The following PALM2AKAP2 variants were observed in gnomAD, a reference collection of about 807,000 sequenced individuals.
The protein encoded by PALM2AKAP2 is PALM2-AKAP2 fusion protein.
A neutral mutation model predicts 71.5 loss-of-function variants in PALM2AKAP2; 37 were observed. The ratio of observed to expected loss-of-function variants is 0.52; its 90% CI spans 0.40 to 0.68. The LOEUF (loss-of-function observed/expected upper bound fraction) is 0.68. Ranked by LOEUF, PALM2AKAP2 falls within the 30% of genes least tolerant of loss-of-function variation. The pLI, the probability that PALM2AKAP2 is intolerant of heterozygous loss-of-function variation, is 0.00. For synonymous variants in PALM2AKAP2, 468 were observed against 478.8 expected (o/e 0.98, Z 0.29); for missense variants, 1,224 against 1,191.8 (o/e 1.03, Z -0.40).
At chr9:110,115,803 G>C (rs1835348846) in intron 1 of PALM2AKAP2, among the ~76,000 whole-genome samples, 1 of 152,142 alleles carries the variant, frequency 6.6e-6, no homozygotes, top group Non-Finnish European at 1.5e-5. Flanking sequence ...CCTTCCACCA[G>C]TTTCCCTGCA....
At chr9:109,795,020 G>A (rs1462402759) in intron 1 of PALM2AKAP2, among the ~76,000 whole-genome samples, 1 of 152,240 alleles carries the variant, frequency 6.6e-6, no homozygotes, top group East Asian at 1.9e-4. Context: ...CTGAGCAGCT[G>A]CTTGGAGAAT....
intron 1 of PALM2AKAP2, among the ~76,000 whole-genome samples, chr9:110,135,455 A>G (rs1220824667): frequency 6.6e-6 from 1 of 151,846 alleles, no homozygotes; most frequent in East Asian, 1.9e-4. Flanking sequence ...AAAGCAGTTA[A>G]AAAACTGGAG....
chr9:109,756,206 G>T (rs1426248183), intron 1 of PALM2AKAP2, among the ~76,000 whole-genome samples: 1 of 152,168 alleles, frequency 6.6e-6, no homozygotes, highest in Admixed American at 6.6e-5. Context: ...CTAATGCTGA[G>T]TGTGATTGCT....
intron 1 of PALM2AKAP2, among the ~76,000 whole-genome samples, chr9:109,863,633 A>G (rs753811327): frequency 1.3e-5 from 2 of 152,206 alleles, no homozygotes; most frequent in African/African-American, 4.8e-5. Flanking sequence ...TATCCCGGTG[A>G]GGAGCACAGC....
At chr9:109,927,105 G>A (rs761111574) in intron 5 of PALM2AKAP2, among the ~76,000 whole-genome samples, 2 of 152,164 alleles carry the variant, frequency 1.3e-5, no homozygotes. Context: ...AAGAGTTTCC[G>A]TGGTCTTACC....
intron 1 of PALM2AKAP2, among the ~76,000 whole-genome samples, chr9:109,826,461 G>T (rs2131515761): frequency 6.6e-6 from 1 of 152,288 alleles, no homozygotes; most frequent in Middle Eastern, 3.4e-3. Context: ...CACTAAAGGG[G>T]CAGCTGAAGT....
intron 3 of PALM2AKAP2, among the ~76,000 whole-genome samples, chr9:109,898,028 T>C (rs1373238515): frequency 6.6e-6 from 1 of 152,230 alleles, no homozygotes; most frequent in African/African-American, 2.4e-5. Context: ...CAAGAAGACT[T>C]ACAGTTAAAG....
intron 6 of PALM2AKAP2, among the ~76,000 whole-genome samples, chr9:109,964,869 A>C (rs1831917954): frequency 6.6e-6 from 1 of 152,200 alleles, no homozygotes; most frequent in South Asian, 2.1e-4. Flanking sequence ...GGACCTAATT[A>C]GCTCATCCAG....
intron 1 of PALM2AKAP2, among the ~76,000 whole-genome samples, chr9:110,073,915 T>A (rs1834264467): frequency 6.6e-6 from 1 of 152,210 alleles, no homozygotes; most frequent in South Asian, 2.1e-4. Context: ...GCTTCATGTG[T>A]CTTCCCACAA....
At chr9:109,753,530 T>C (rs953944108) in intron 1 of PALM2AKAP2, among the ~76,000 whole-genome samples, 1 of 152,180 alleles carries the variant, frequency 6.6e-6, no homozygotes, top group Non-Finnish European at 1.5e-5. Context: ...TCTGTGACTT[T>C]CTCAAGATGT....
chr9:109,958,023 C>T (rs147463590), intron 6 of PALM2AKAP2, among the ~76,000 whole-genome samples: 1 of 152,152 alleles, frequency 6.6e-6, no homozygotes, highest in Non-Finnish European at 1.5e-5. Flanking sequence ...TTCAATTCAC[C>T]AAGCCTCAGT....
intron 1 of PALM2AKAP2, among the ~76,000 whole-genome samples, chr9:110,052,348 G>T (rs1189247594): frequency 6.6e-6 from 1 of 152,246 alleles, no homozygotes; most frequent in Non-Finnish European, 1.5e-5. Context: ...CCTCAGGGAA[G>T]AATGTTACCA....
At chr9:109,841,782 G>T (rs1314861894) in intron 1 of PALM2AKAP2, among the ~76,000 whole-genome samples, 5 of 36,000 alleles carry the variant, frequency 1.4e-4, no homozygotes, top group African/African-American at 6.5e-4. Flanking sequence ...AGGAGAGGGT[G>T]GGGGGGTGGA....
intron 6 of PALM2AKAP2, among the ~76,000 whole-genome samples, chr9:110,007,021 G>A (rs543590407): frequency 6.6e-6 from 1 of 152,250 alleles, no homozygotes; most frequent in South Asian, 2.1e-4. Context: ...GTGAGACTTT[G>A]GGGGTTCAGC....
chr9:110,024,896 A>C (rs1833148178), intron 7 of PALM2AKAP2: 2 of 1,124,858 alleles, frequency 1.8e-6, no homozygotes, highest in Admixed American at 3.4e-5. Context: ...CCATGAATTC[A>C]TAGGGAATAG....
At chr9:109,752,447 T>A (rs1828899530) in intron 1 of PALM2AKAP2, among the ~76,000 whole-genome samples, 1 of 152,002 alleles carries the variant, frequency 6.6e-6, no homozygotes, top group African/African-American at 2.4e-5. Flanking sequence ...CTACTTTGGG[T>A]AGGAAGGAGA....
intron 2 of PALM2AKAP2, among the ~76,000 whole-genome samples, chr9:110,150,985 C>A (rs993078211): frequency 6.6e-6 from 1 of 152,114 alleles, no homozygotes; most frequent in Non-Finnish European, 1.5e-5. Flanking sequence ...GCTAACTTAA[C>A]CATTCTTCAA....
chr9:109,923,370 C>G (rs935191352), intron 3 of PALM2AKAP2, among the ~76,000 whole-genome samples: 1 of 152,172 alleles, frequency 6.6e-6, no homozygotes, highest in Non-Finnish European at 1.5e-5. Context: ...CTGAGCCGGT[C>G]AGGAGAATAT....
intron 1 of PALM2AKAP2, among the ~76,000 whole-genome samples, chr9:109,707,859 A>T (rs902348590): frequency 2.0e-5 from 3 of 152,176 alleles, no homozygotes; most frequent in African/African-American, 4.8e-5. Flanking sequence ...CCAATAAATG[A>T]TCTCATAATC....
Sources: allele counts gnomAD v4.1 joint callset (sites outside exome capture counted in the v4.1 genomes callset), GRCh38; gene constraint gnomAD v4.1.1; transcripts MANE v1.5; gene names NCBI Gene and HGNC (gene_info 2026-07-23, HGNC 2026-07-21).